The following LY6S variants were observed in gnomAD, a reference collection of about 807,000 sequenced individuals.
LY6S encodes lymphocyte antigen 6S.
At chr8:143,064,744 T>C in the LY6S span, among the ~76,000 whole-genome samples, 1 of 152,216 alleles carries the variant, frequency 6.6e-6, no homozygotes, top group African/African-American at 2.4e-5. Flanking sequence ...GCAGACATAG[T>C]ATACAGGTTA....
At chr8:143,064,697 C>G in the LY6S span, among the ~76,000 whole-genome samples, 1 of 152,160 alleles carries the variant, frequency 6.6e-6, no homozygotes, top group Admixed American at 6.5e-5. Context: ...CTTTTAAATC[C>G]AGTACTGCAA....
At chr8:143,057,590 T>A in the LY6S span, 1 of 1,293,558 alleles carries the variant, frequency 7.7e-7, no homozygotes, top group Non-Finnish European at 1.1e-6. Context: ...ATCATCCTCA[T>A]GCTGAATGAG....
At chr8:143,045,603 C>G in the LY6S span, among the ~76,000 whole-genome samples, 2 of 152,150 alleles carry the variant, frequency 1.3e-5, no homozygotes, top group East Asian at 3.9e-4. This position sits in a 1 kb window ranked among gnomAD's most constrained non-coding sequence, Gnocchi z 5.3. Flanking sequence ...TGCACCTCCT[C>G]TCCTTAGCGC....
chr8:143,072,082 CT>C, the LY6S span, among the ~76,000 whole-genome samples: 1 of 152,162 alleles, frequency 6.6e-6, no homozygotes, highest in African/African-American at 2.4e-5. Context: ...GAAAAAATGC[CT>C]TTATTTTGCC....
At chr8:143,073,164 G>C in the LY6S span, among the ~76,000 whole-genome samples, 1 of 150,728 alleles carries the variant, frequency 6.6e-6, no homozygotes, top group African/African-American at 2.5e-5. Flanking sequence ...TCGTCCCCGG[G>C]GTTCCTGTTT....
the LY6S span, chr8:143,043,239 A>G: frequency 7.3e-7 from 1 of 1,366,366 alleles, no homozygotes; most frequent in South Asian, 1.1e-5. Flanking sequence ...GCAGCAAGAG[A>G]TCTGGGAGTC....
At chr8:143,045,555 C>T in the LY6S span, among the ~76,000 whole-genome samples, 15,621 of 152,148 alleles carry the variant, frequency 0.1, 993 homozygotes, top group Middle Eastern at 0.21. The surrounding 1 kb of genome is among the most constrained non-coding windows in gnomAD (Gnocchi z 5.3). Flanking sequence ...CCCTCCCATC[C>T]TTCCCTGCAA....
At chr8:143,055,406 A>T in the LY6S span, among the ~76,000 whole-genome samples, 1 of 152,336 alleles carries the variant, frequency 6.6e-6, no homozygotes, top group South Asian at 2.1e-4. Context: ...GTGAGAATCC[A>T]TAAGTTTGGC....
chr8:143,044,595 A>G, the LY6S span: 1 of 1,206,468 alleles, frequency 8.3e-7, no homozygotes, highest in Non-Finnish European at 1.1e-6. Flanking sequence ...GAGGGCTTGT[A>G]GGGGGACCTT....
chr8:143,056,517 C>T, the LY6S span, among the ~76,000 whole-genome samples: 2 of 152,222 alleles, frequency 1.3e-5, no homozygotes, highest in Admixed American at 1.3e-4. Flanking sequence ...TTAGCACATA[C>T]ATTTCTTACT....
At chr8:143,075,538 T>C in the LY6S span, among the ~76,000 whole-genome samples, 4 of 152,100 alleles carry the variant, frequency 2.6e-5, no homozygotes, top group East Asian at 5.8e-4. The surrounding 1 kb of genome is among the most constrained non-coding windows in gnomAD (Gnocchi z 4.1). Context: ...ACCCCATCTC[T>C]ACTAAAAATA....
At chr8:143,065,813 T>TTCTTTCTTTC in the LY6S span, 1 of 144,042 alleles carries the variant, frequency 6.9e-6, no homozygotes, top group East Asian at 2.2e-4. Context: ...CTTTCTTTCT[T>TTCTTTCTTTC]TCTTTCTTTC....
chr8:143,070,138 C>T, the LY6S span, among the ~76,000 whole-genome samples: 1 of 151,828 alleles, frequency 6.6e-6, no homozygotes. Context: ...CATTCTGTCA[C>T]GGTTGCCCCT....
the LY6S span, among the ~76,000 whole-genome samples, chr8:143,073,840 C>T: frequency 3.3e-5 from 4 of 120,422 alleles, no homozygotes; most frequent in African/African-American, 6.7e-5. Flanking sequence ...GCCGTCGTCC[C>T]CGGGGTCCCT....
At chr8:143,063,774 C>A in the LY6S span, among the ~76,000 whole-genome samples, 1 of 152,208 alleles carries the variant, frequency 6.6e-6, no homozygotes, top group African/African-American at 2.4e-5. Context: ...GGGAGTGTGG[C>A]CTGGCATTTG....
the LY6S span, among the ~76,000 whole-genome samples, chr8:143,058,916 T>C: frequency 6.6e-6 from 1 of 152,246 alleles, no homozygotes; most frequent in Non-Finnish European, 1.5e-5. Context: ...TCAGCTCCTA[T>C]CTCTGTATGG....
chr8:143,059,459 C>T, the LY6S span, among the ~76,000 whole-genome samples: 40 of 151,904 alleles, frequency 2.6e-4, no homozygotes, highest in Non-Finnish European at 5.0e-4. Context: ...TAACTTATAA[C>T]GATCCCAAAT....
At chr8:143,046,469 T>C in the LY6S span, among the ~76,000 whole-genome samples, 1 of 151,550 alleles carries the variant, frequency 6.6e-6, no homozygotes, top group Non-Finnish European at 1.5e-5. Context: ...TCCCAGCTAC[T>C]TGGGAGGCTA....
chr8:143,047,445 A>G, the LY6S span, among the ~76,000 whole-genome samples: 1 of 152,120 alleles, frequency 6.6e-6, no homozygotes, highest in Admixed American at 6.5e-5. Context: ...CGCCTGGCCC[A>G]GGGGCTTGAC....
Sources: allele counts gnomAD v4.1 joint callset (sites outside exome capture counted in the v4.1 genomes callset), GRCh38; gene constraint gnomAD v4.1.1; non-coding constraint Gnocchi (gnomAD v3.1); transcripts MANE v1.5; gene names NCBI Gene and HGNC (gene_info 2026-07-23, HGNC 2026-07-21).